ARHGAP17: variants seen among roughly 807,000 people sequenced by gnomAD.
ARHGAP17 encodes the protein Rho GTPase activating protein 17.
Under a neutral mutation model 99.5 loss-of-function variants are expected in ARHGAP17, and 57 were observed. The ratio of observed to expected loss-of-function variants is 0.57; its 90% CI spans 0.46 to 0.71. The LOEUF is 0.71. ARHGAP17 is among the 30% of genes least tolerant of loss of function. The pLI, the probability that ARHGAP17 is intolerant of heterozygous loss-of-function variation, is 0.00. For synonymous variants in ARHGAP17, 417 were observed against 429.6 expected (o/e 0.97, Z 0.36); for missense variants, 1,000 against 1,122.4 (o/e 0.89, Z 1.56).
intron 18 of ARHGAP17, among the ~76,000 whole-genome samples, chr16:24,933,745 CA>C (rs1295957267): frequency 2.7e-5 from 4 of 148,742 alleles, no homozygotes; most frequent in African/African-American, 7.5e-5. Context: ...AGCAAAGTGT[CA>C]GGGGGAGGGG....
chr16:24,974,019 A>C (rs1413096349), intron 3 of ARHGAP17, among the ~76,000 whole-genome samples: 1 of 152,248 alleles, frequency 6.6e-6, no homozygotes, highest in Non-Finnish European at 1.5e-5. Flanking sequence ...GGCTTAAGTC[A>C]TCTAAAGAGT....
rs1196077326 is a variant in ARHGAP17 at position 24,954,638 on chromosome 16, C to G, written c.817G>C (p.Val273Leu). 6.2e-7 allele frequency: 1 copy of G among 1,614,044 alleles called. No individual in the cohort carries two copies. The highest frequency in any genetic ancestry group is 1.1e-5 in the South Asian group (1 of 91,040). Residue 273 changes from valine (V) to leucine (L), a missense_variant, in exon 10 of 20, where the codon GTC becomes CTC. By Grantham distance (32) the Val-to-Leu change is conservative. This residue lies in a region of ARHGAP17 where 472 missense variants were observed against 611.1 expected (regional missense o/e 0.77). Transcript: ENST00000289968. ...REIALPIEAC[V>L]MLLLETGMKE... is the part of the protein sequence containing the mutation. ...ATGCCTGTCTCCAGAAGCAGCATGA[C>G]ACAGGCTTCAATGGGCAGCGCAATC...
intron 1 of ARHGAP17, among the ~76,000 whole-genome samples, chr16:25,005,272 C>T (rs1365925534): frequency 1.3e-5 from 2 of 152,206 alleles, no homozygotes; most frequent in African/African-American, 2.4e-5. Context: ...AAATAATAGG[C>T]TCTACCTATT....
rs910870284 is a variant in ARHGAP17 at position 24,977,235 on chromosome 16, T to C, written c.178A>G (p.Thr60Ala). The C allele has an allele frequency of 4.4e-6, 7 of 1,590,444 alleles. No homozygotes were observed. Among genetic ancestry groups the C allele is most frequent in the Non-Finnish European group, 5.2e-6 (6 of 1,163,522 alleles). ...LVACFQGQHG[T>A]DAERRHKKLP... ...CTCACGTGTCTCCTCTCGGCATCGG[T>C]GCCATGCTGGCCCTGGAAACATGCC... Residue 60 changes from threonine to alanine, a missense_variant, in exon 3 of 20, where the codon ACC (threonine) becomes GCC (alanine). Thr to Ala is a moderately conservative substitution (Grantham distance 58). Around this residue, in one of 2 missense-constraint regions of ARHGAP17, gnomAD observed 472 missense variants for 611.1 expected, o/e 0.77. Coordinates refer to ENST00000289968, the MANE Select transcript of ARHGAP17 (RefSeq NM_001006634.3).
At chr16:24,933,768 T>C (rs2051058710) in intron 18 of ARHGAP17, among the ~76,000 whole-genome samples, 1 of 146,196 alleles carries the variant, frequency 6.8e-6, no homozygotes, top group Admixed American at 6.9e-5. Flanking sequence ...CTGGGAGAAA[T>C]GGAGGCCTTG....
At chr16:24,986,956 T>C (rs2052888812) in intron 1 of ARHGAP17, among the ~76,000 whole-genome samples, 1 of 152,244 alleles carries the variant, frequency 6.6e-6, no homozygotes, top group Non-Finnish European at 1.5e-5. Context: ...TCAGAAGTTA[T>C]GTCCCTCCTG....
intron 6 of ARHGAP17, 31 bp downstream of exon 6, chr16:24,968,320 A>C: frequency 6.2e-7 from 1 of 1,609,864 alleles, no homozygotes; most frequent in Non-Finnish European, 8.5e-7. Context: ...GGAATGGGAC[A>C]CAATGCTGCA....
chr16:24,931,313 A>G lies in ARHGAP17; in HGVS notation c.1986T>C (p.His662=). 1 of 1,521,458 alleles carries G rather than the reference A, an allele frequency of 6.6e-7. No homozygotes were observed. The highest frequency in any genetic ancestry group is 8.8e-7 in the Non-Finnish European group (1 of 1,136,032). 94.2% of individuals were successfully genotyped at this position (1,521,458 alleles called of 1,614,324 possible). A position where few individuals can be genotyped will look rare whatever the true frequency, so the allele number is the denominator to read the frequency against. Residue 662 remains histidine (H), a synonymous_variant, in exon 19 of 20, where the codon CAT becomes CAC. Coordinates refer to ENST00000289968, the MANE Select transcript of ARHGAP17 (RefSeq NM_001006634.3). ...GTGGCTTTGGTGACAGACTGGGTGGATGCTGAGATGTTCCTGAAGAACTCT... is the reference window on the plus strand; with the variant it reads ...GTGGCTTTGGTGACAGACTGGGTGGGTGCTGAGATGTTCCTGAAGAACTCT... ...GGQSSSGTSQ[H]PPSLSPKPPT... is the part of the protein sequence containing the mutation.
At chr16:24,989,004 A>G (rs2052955081) in intron 1 of ARHGAP17, among the ~76,000 whole-genome samples, 1 of 152,264 alleles carries the variant, frequency 6.6e-6, no homozygotes, top group South Asian at 2.1e-4. Flanking sequence ...CAATGCAGAC[A>G]GTACATCCAC....
Position 24,920,277 on chromosome 16 carries a change from G to A in ARHGAP17, c.2516-17C>T. 1 of 1,613,652 alleles carries A rather than the reference G, an allele frequency of 6.2e-7. No homozygotes were observed. Among genetic ancestry groups the A allele is most frequent in the Non-Finnish European group, 8.5e-7 (1 of 1,179,806 alleles). ...AATTGGAGTCTGGACAAAAACACGAGGAGACATGGTATCAATGAGGGGTAA... is the reference window on the plus strand; with the variant it reads ...AATTGGAGTCTGGACAAAAACACGAAGAGACATGGTATCAATGAGGGGTAA... On this transcript the variant is annotated splice_polypyrimidine_tract_variant and intron_variant, in intron 19 of 19. Coordinates refer to ENST00000289968, the MANE Select transcript of ARHGAP17 (RefSeq NM_001006634.3).
intron 1 of ARHGAP17, among the ~76,000 whole-genome samples, chr16:25,014,578 T>C (rs2053730872): frequency 6.6e-6 from 1 of 152,230 alleles, no homozygotes; most frequent in Non-Finnish European, 1.5e-5. Context: ...TCCTAATTTC[T>C]AAATGTCAAG....
At chr16:24,960,016 A>C (rs2051937664) in intron 7 of ARHGAP17, 37 bp from the exon 8 acceptor site, 4 of 1,601,852 alleles carry the variant, frequency 2.5e-6, no homozygotes, top group East Asian at 4.5e-5. Context: ...TTGAAGAAAA[A>C]AGAAGTGAAA....
intron 1 of ARHGAP17, among the ~76,000 whole-genome samples, chr16:25,010,406 T>C (rs2053614801): frequency 6.6e-6 from 1 of 152,180 alleles, no homozygotes; most frequent in Non-Finnish European, 1.5e-5. Flanking sequence ...AGAGAGAAGT[T>C]ATCATTGTCA....
intron 9 of ARHGAP17, among the ~76,000 whole-genome samples, chr16:24,959,181 G>T (rs145680125): frequency 6.6e-6 from 1 of 152,194 alleles, no homozygotes; most frequent in Admixed American, 6.5e-5. Context: ...GAGTCTGAAC[G>T]AAGCGACCAC....
intron 16 of ARHGAP17, 58 bp downstream of exon 16, chr16:24,941,929 T>C: frequency 6.2e-7 from 1 of 1,610,986 alleles, no homozygotes; most frequent in Non-Finnish European, 8.5e-7. Flanking sequence ...CGATACCAGA[T>C]ACCACGGGTC....
chr16:24,970,310 C>T (rs537999496), intron 4 of ARHGAP17, among the ~76,000 whole-genome samples, 197 bp downstream of exon 4: 1 of 152,298 alleles, frequency 6.6e-6, no homozygotes, highest in South Asian at 2.1e-4. Context: ...AGCCTGACAC[C>T]TACTAAAAGG....
chr16:24,977,311 T>A lies in ARHGAP17; in HGVS notation c.102A>T (p.Arg34Ser). The change falls in exon 3 of 20, where the codon AGA (arginine) becomes AGT (serine). Residue 34 changes from arginine to serine, a missense_variant. Physicochemically the swap from Arg to Ser is moderately radical, Grantham distance 110. Coordinates refer to ENST00000289968, the MANE Select transcript of ARHGAP17 (RefSeq NM_001006634.3). The stretch of plus-strand genomic sequence containing the variant: ...ATATTGACCGCACCGTGTCCAGGCG[T>A]CTCTCAATCTGACAAGGCAGAGACA... ...VLSEDLLQIE[R>S]RLDTVRSICH... The A allele has an allele frequency of 6.3e-7, 1 of 1,581,896 alleles. No homozygotes were observed. The highest frequency in any genetic ancestry group is 8.6e-7 in the Non-Finnish European group (1 of 1,157,310).
intron 3 of ARHGAP17, among the ~76,000 whole-genome samples, 178 bp from the exon 4 acceptor site, chr16:24,970,758 A>G (rs2052338771): frequency 6.6e-6 from 1 of 152,150 alleles, no homozygotes; most frequent in African/African-American, 2.4e-5. Context: ...TCTCTGTTTC[A>G]GTTTGGGGCT....
At chr16:24,944,959 C>T (rs1052503368) in intron 14 of ARHGAP17, among the ~76,000 whole-genome samples, 3 of 151,964 alleles carry the variant, frequency 2.0e-5, no homozygotes, top group East Asian at 1.9e-4. Context: ...CCCATTCACA[C>T]GTAAGGTCAT....
Sources: gnomAD v4.1 joint callset for allele counts (sites outside exome capture counted in the v4.1 genomes callset) on GRCh38, gnomAD v4.1.1 for gene constraint, gnomAD v4.1.1 regional missense constraint, MANE v1.5 for transcripts, NCBI Gene and HGNC (gene_info 2026-07-23, HGNC 2026-07-21) for gene names.